ZDHHC20: variants seen among roughly 807,000 people sequenced by gnomAD.
ZDHHC20 encodes zDHHC palmitoyltransferase 20, also known as palmitoyltransferase ZDHHC20.
Under a neutral mutation model 57.8 loss-of-function variants are expected in ZDHHC20, and 43 were observed. The ratio of observed to expected loss-of-function variants is 0.74; its 90% CI spans 0.58 to 0.96. ZDHHC20 has a LOEUF of 0.96. Among genes scored for constraint, ZDHHC20 ranks in the 40% least tolerant of loss-of-function variants. ZDHHC20 has a pLI of 0.00. For missense variants in ZDHHC20, 391 were observed against 441.1 expected (o/e 0.89, Z 1.02); for synonymous variants, 157 against 153.0 (o/e 1.03, Z -0.19).
At position 21,425,779 on chromosome 13, in the gene ZDHHC20, AT is replaced by A. The variant is rs1041580329; in HGVS notation, c.119-102del. On this transcript the variant is annotated intron_variant, in intron 1 of 12. Transcript: ENST00000400590. ...TCATCTTAATATCATTTTCAAAAAA[AT>A]AAACTTTAGTTATAAATTGTAGACA... The A allele has an allele frequency of 1.1e-5, 9 of 795,628 alleles. No individual in the cohort carries two copies. In the East Asian group the frequency reaches 2.9e-4, roughly 25 times the overall value. The allele number at this position is 795,628 out of a possible 1,614,324, so 49.3% of individuals were successfully genotyped here. A position where few individuals can be genotyped will look rare whatever the true frequency, so the allele number is the denominator to read the frequency against.
At chr13:21,419,639 A>G (rs1275013564) in intron 3 of ZDHHC20, among the ~76,000 whole-genome samples, 1 of 152,252 alleles carries the variant, frequency 6.6e-6, no homozygotes, top group Non-Finnish European at 1.5e-5. Context: ...ACACACCACT[A>G]GAAAACTCCA....
chr13:21,402,707 G>T, intron 5 of ZDHHC20, 90 bp downstream of exon 5: 1 of 1,073,362 alleles, frequency 9.3e-7, no homozygotes, highest in Non-Finnish European at 1.4e-6. Flanking sequence ...CTTGTCAAGT[G>T]TAAAGCATAT....
In ZDHHC20 at chr13:21,425,673, T is replaced by C. The variant is rs761401428; in HGVS notation, c.124A>G (p.Ile42Val). 3 of 1,180,742 alleles carry C rather than the reference T, an allele frequency of 2.5e-6. No homozygotes were observed. The highest frequency in any genetic ancestry group is 3.2e-5 in the South Asian group (2 of 62,900). 73.1% of individuals were successfully genotyped at this position (1,180,742 alleles called of 1,614,324 possible). The change falls in exon 2 of 13, where the codon ATT (isoleucine) becomes GTT (valine). Residue 42 changes from isoleucine to valine, a missense_variant. Coordinates refer to ENST00000400590, the MANE Select transcript of ZDHHC20 (RefSeq NM_001330059.2). The stretch of plus-strand genomic sequence containing the variant: ...TTACCATTTTCTTCATTTCCAAAAA[T>C]AGTAACTAGAATAGAAGAAAAAATA... ...AYVVELCVFT[I>V]FGNEENGKTV...
intron 1 of ZDHHC20, among the ~76,000 whole-genome samples, chr13:21,436,230 T>C (rs978197600): frequency 6.6e-6 from 1 of 152,200 alleles, no homozygotes; most frequent in East Asian, 1.9e-4. Context: ...CTACCTTGGG[T>C]GTTGATCAAC....
intron 1 of ZDHHC20, among the ~76,000 whole-genome samples, chr13:21,456,189 T>G (rs1884910854): frequency 6.6e-6 from 1 of 152,186 alleles, no homozygotes; most frequent in South Asian, 2.1e-4. Context: ...GTGGATTGCC[T>G]GAGGTCAGGA....
intron 9 of ZDHHC20, among the ~76,000 whole-genome samples, chr13:21,384,814 G>A (rs1029294667): frequency 1.3e-5 from 2 of 152,092 alleles, no homozygotes; most frequent in African/African-American, 4.8e-5. Context: ...CTTAAAACAA[G>A]CCTCAGGCCA....
At chr13:21,405,732 AT>A (rs1320118943) in intron 4 of ZDHHC20, among the ~76,000 whole-genome samples, 6 of 152,332 alleles carry the variant, frequency 3.9e-5, no homozygotes, top group African/African-American at 1.4e-4. Context: ...GCTTAAAATT[AT>A]TTAGTCCATT....
At chr13:21,382,562 CTAAT>C (rs540300021) in intron 10 of ZDHHC20, among the ~76,000 whole-genome samples, 62 of 152,190 alleles carry the variant, frequency 4.1e-4, no homozygotes, top group Admixed American at 3.7e-3. Flanking sequence ...AGTATAATGA[CTAAT>C]TTATTTGCAA....
At chr13:21,402,731 C>T in intron 5 of ZDHHC20, 66 bp downstream of exon 5, 4 of 1,320,944 alleles carry the variant, frequency 3.0e-6, no homozygotes, top group Middle Eastern at 1.8e-4. Context: ...ATGTTCCTTC[C>T]CCTTGCACTT....
chr13:21,385,100 TA>T (rs1250721413), intron 9 of ZDHHC20, among the ~76,000 whole-genome samples: 2 of 151,566 alleles, frequency 1.3e-5, no homozygotes, highest in African/African-American at 4.8e-5. Context: ...ACGTAAGATA[TA>T]AAAAAAACCA....
intron 1 of ZDHHC20, 50 bp downstream of exon 1, chr13:21,459,004 G>A (rs1885161989): frequency 6.8e-7 from 1 of 1,466,498 alleles, no homozygotes; most frequent in Non-Finnish European, 9.3e-7. Flanking sequence ...CCTATCTCGC[G>A]CCCTAGCCGC....
At position 21,374,017 on chromosome 13, in the gene ZDHHC20, A is replaced by G. The variant is rs1446171651; in HGVS notation, c.*2679T>C. On this transcript the variant is annotated 3_prime_UTR_variant, in exon 13 of 13. Transcript: ENST00000400590. ...AATAACAAAAATTAAAAGAACTGAG[A>G]AAGACTATACCATGAAAGTGCATAA... 1.3e-5 allele frequency: 2 copies of G among 152,508 alleles called. No individual in the cohort carries two copies. Among genetic ancestry groups the G allele is most frequent in the African/African-American group, 2.4e-5 (1 of 41,600 alleles). 9.4% of individuals were successfully genotyped at this position (152,508 alleles called of 1,614,324 possible). A position where few individuals can be genotyped will look rare whatever the true frequency, so the allele number is the denominator to read the frequency against.
intron 10 of ZDHHC20, 141 bp downstream of exon 10, chr13:21,382,779 T>C: frequency 1.6e-6 from 1 of 635,100 alleles, no homozygotes; most frequent in South Asian, 2.5e-5. Flanking sequence ...AAACCTCAGT[T>C]AAAAAAATTT....
chr13:21,451,403 T>C (rs914034238), intron 1 of ZDHHC20, among the ~76,000 whole-genome samples: 1 of 152,196 alleles, frequency 6.6e-6, no homozygotes, highest in African/African-American at 2.4e-5. Flanking sequence ...TAGGCTCTAA[T>C]GGATACAAGA....
chr13:21,387,565 T>C lies in ZDHHC20; in HGVS notation c.797A>G (p.Asn266Ser). The C allele has an allele frequency of 2.0e-6, 3 of 1,530,680 alleles. No homozygotes were observed. The highest frequency in any genetic ancestry group is 2.6e-6 in the Non-Finnish European group (3 of 1,136,048). The allele number at this position is 1,530,680 out of a possible 1,614,324, so 94.8% of individuals were successfully genotyped here. Reference protein sequence around the residue: ...GNGFSLGCSKNWRQVFGDEKK... With the variant: ...GNGFSLGCSKSWRQVFGDEKK... Reference sequence around the variant, plus strand: ...TTCATCACCAAAGACTTGTCTCCAATTTTTACTGCATCCAAGAGAGAAACC... The same window carrying C: ...TTCATCACCAAAGACTTGTCTCCAACTTTTACTGCATCCAAGAGAGAAACC... The change falls in exon 9 of 13, where the codon AAT (asparagine) becomes AGT (serine). Residue 266 changes from asparagine to serine, a missense_variant. Asn to Ser is a conservative substitution (Grantham distance 46, BLOSUM62 1). Coordinates refer to ENST00000400590, the MANE Select transcript of ZDHHC20 (RefSeq NM_001330059.2).
chr13:21,403,896 C>T (rs1878076749), intron 4 of ZDHHC20, among the ~76,000 whole-genome samples: 1 of 152,094 alleles, frequency 6.6e-6, no homozygotes, highest in Admixed American at 6.6e-5. Flanking sequence ...CCATATTGGT[C>T]AGGCTGGTCT....
At chr13:21,383,766 A>T (rs1226304236) in intron 9 of ZDHHC20, among the ~76,000 whole-genome samples, 1 of 152,190 alleles carries the variant, frequency 6.6e-6, no homozygotes, top group African/African-American at 2.4e-5. Context: ...ATGATGTTCT[A>T]GGTATTATTT....
rs1160380379 is a variant in ZDHHC20, at chr13:21,380,160, G to A, written c.1060+1274C>T. Among the ~76,000 whole-genome samples the A allele has an allele frequency of 2.0e-5, 3 of 150,142 alleles. No homozygotes were observed. The East Asian group carries it at 6.0e-4, about 30-fold the overall frequency. ...AGATGGAGTCTCACTCTGTCACCCA[G>A]GCTGGAGTGCAGTGGTGTGATCTCG... is the stretch of plus-strand genomic sequence containing the variant. On this transcript the variant is annotated intron_variant, in intron 11 of 12. Transcript: ENST00000400590.
chr13:21,386,709 C>G (rs1041178731), intron 9 of ZDHHC20, among the ~76,000 whole-genome samples: 8 of 152,114 alleles, frequency 5.3e-5, no homozygotes, highest in African/African-American at 1.9e-4. Context: ...CCACCACACC[C>G]AGTTAATTTT....
Sources: gnomAD v4.1 joint callset for allele counts (sites outside exome capture counted in the v4.1 genomes callset) on GRCh38, gnomAD v4.1.1 for gene constraint, MANE v1.5 for transcripts, NCBI Gene and HGNC (gene_info 2026-07-23, HGNC 2026-07-21) for gene names.